Variants in SLMAP observed in about 807,000 individuals in gnomAD.
SLMAP encodes the protein sarcolemmal membrane-associated protein.
Under a neutral mutation model 128.8 loss-of-function variants are expected in SLMAP, and 44 were observed. The observed-to-expected ratio is 0.34, with a 90% CI of 0.27 to 0.44. The LOEUF is 0.44. Among genes scored for constraint, SLMAP ranks in the 20% least tolerant of loss-of-function variants. The probability of loss-of-function intolerance (pLI) is 1.00; values close to 1 mark genes in which losing one functional copy is unlikely to be tolerated. For missense variants in SLMAP, 787 were observed against 985.3 expected, an observed-to-expected ratio of 0.80 and a Z score of 2.69; for synonymous variants, 327 against 348.8, an observed-to-expected ratio of 0.94 and a Z score of 0.70.
rs2096826276 is a variant in SLMAP at position 57,916,984 on chromosome 3, G to A, written c.2217G>A (p.Val739=). 6.2e-7 allele frequency: 1 copy of A among 1,613,620 alleles called. No individual in the cohort carries two copies. Among genetic ancestry groups the A allele is most frequent in the African/African-American group, 1.3e-5 (1 of 74,876 alleles). The part of the protein sequence containing the change: ...QMSRKELENQ[V]GSLKEQHLRD... The stretch of plus-strand genomic sequence containing the variant: ...CTAGGAAAGAACTTGAGAATCAAGT[G>A]GGATCCTTGAAAGAACAGCATCTTC... The change falls in exon 22 of 25, where the codon GTG becomes GTA. Residue 739 remains valine (V), a synonymous_variant. Transcript: ENST00000671191.
intron 3 of SLMAP, among the ~76,000 whole-genome samples, chr3:57,840,083 A>T (rs2093854905): frequency 6.6e-6 from 1 of 151,582 alleles, no homozygotes; most frequent in Non-Finnish European, 1.5e-5. Context: ...GGCCTCCCAA[A>T]GTACTGGGAT....
intron 3 of SLMAP, among the ~76,000 whole-genome samples, chr3:57,840,762 ATACT>A (rs1292000913): frequency 3.3e-5 from 5 of 152,340 alleles, no homozygotes; most frequent in African/African-American, 9.6e-5. Flanking sequence ...AACAATTCTG[ATACT>A]TAATAGCAGA....
At chr3:57,925,509 G>T (rs988579400) in intron 23 of SLMAP, among the ~76,000 whole-genome samples, 8 of 151,532 alleles carry the variant, frequency 5.3e-5, no homozygotes, top group African/African-American at 1.9e-4. Flanking sequence ...TGTATTTTTA[G>T]TAGAGACAGC....
chr3:57,878,853 T>G (rs2095662022), intron 14 of SLMAP, among the ~76,000 whole-genome samples: 1 of 152,204 alleles, frequency 6.6e-6, no homozygotes, highest in Non-Finnish European at 1.5e-5. Context: ...AGAAATATTT[T>G]CCAGGTTGGC....
In SLMAP at chr3:57,929,706, G is replaced by C. The variant is rs1159994530; in HGVS notation, c.*2417G>C. Among the ~76,000 whole-genome samples the C allele has an allele frequency of 1.3e-5, 2 of 152,174 alleles. No individual in the cohort carries two copies. Among genetic ancestry groups the C allele is most frequent in the African/African-American group, 4.8e-5 (2 of 41,460 alleles). ...AGGGTTAGAGAATAAAAAGAACGTG[G>C]TGTTTGAAGCAAAACAGATCTGTAT... On this transcript the variant is annotated 3_prime_UTR_variant, in exon 25 of 25. Transcript: ENST00000671191.
intron 2 of SLMAP, among the ~76,000 whole-genome samples, chr3:57,827,841 A>G (rs1404372080): frequency 2.0e-5 from 3 of 152,326 alleles, no homozygotes; most frequent in Non-Finnish European, 4.4e-5. Flanking sequence ...GAGGAGAAGG[A>G]TATTTCTGGT....
chr3:57,831,342 A>T, intron 2 of SLMAP, 41 bp from the exon 3 acceptor site: 1 of 1,285,268 alleles, frequency 7.8e-7, no homozygotes, highest in Non-Finnish European at 1.0e-6. Flanking sequence ...AATTATTACT[A>T]TTAATATTTG....
At chr3:57,914,017 A>C (rs1228031360) in intron 21 of SLMAP, among the ~76,000 whole-genome samples, 1 of 152,140 alleles carries the variant, frequency 6.6e-6, no homozygotes, top group East Asian at 1.9e-4. Flanking sequence ...TAATCTTCTG[A>C]ATTTCAAATA....
chr3:57,822,701 G>T (rs991557673), intron 2 of SLMAP, among the ~76,000 whole-genome samples: 1 of 152,176 alleles, frequency 6.6e-6, no homozygotes, highest in African/African-American at 2.4e-5. Flanking sequence ...TTTAAAAATT[G>T]GGATTGTGTA....
At chr3:57,917,992 C>T (rs555181098) in intron 22 of SLMAP, 7 of 152,296 alleles carry the variant, frequency 4.6e-5, no homozygotes, top group African/African-American at 1.4e-4. Flanking sequence ...TTTTTCTTTG[C>T]ACTTTTCTTT....
In SLMAP at chr3:57,857,798, C is replaced by T. The variant is rs953772004; in HGVS notation, c.585C>T (p.Ile195=). Residue 195 remains isoleucine, a synonymous_variant, in exon 7 of 25, where the codon ATC becomes ATT. Transcript: ENST00000671191. Reference sequence around the variant, plus strand: ...CCACGCTTCAGCGGCTACTAGCCATCACCCAAGAGGCTTCAGATACCAGTT... The same window carrying T: ...CCACGCTTCAGCGGCTACTAGCCATTACCCAAGAGGCTTCAGATACCAGTT... The part of the protein sequence containing the change: ...KLATLQRLLA[I]TQEASDTSWQ... 7.4e-6 allele frequency: 12 copies of T among 1,613,260 alleles called. No homozygotes were observed. The highest frequency in any genetic ancestry group is 1.1e-5 in the South Asian group (1 of 91,072).
At chr3:57,892,816 A>T (rs1352263557) in intron 15 of SLMAP, among the ~76,000 whole-genome samples, 1 of 142,990 alleles carries the variant, frequency 7.0e-6, no homozygotes, top group Non-Finnish European at 1.5e-5. Context: ...ACACATACAC[A>T]CACAAACTTG....
intron 22 of SLMAP, among the ~76,000 whole-genome samples, chr3:57,920,881 G>GTGGT (rs1176285719): frequency 1.3e-5 from 2 of 152,134 alleles, no homozygotes; most frequent in Admixed American, 1.3e-4. Flanking sequence ...GCCAGGCATG[G>GTGGT]TGGTGCATGC....
intron 21 of SLMAP, among the ~76,000 whole-genome samples, chr3:57,915,538 G>C (rs139852191): frequency 6.1e-4 from 93 of 152,254 alleles, no homozygotes; most frequent in African/African-American, 2.1e-3. Context: ...TAGCTGTATT[G>C]GCTTGACAAC....
At chr3:57,836,909 G>A (rs544125389) in intron 3 of SLMAP, among the ~76,000 whole-genome samples, 1 of 152,258 alleles carries the variant, frequency 6.6e-6, no homozygotes, top group East Asian at 1.9e-4. Flanking sequence ...ACCCTCTCTT[G>A]CAAAGCTTGG....
At chr3:57,793,743 T>C (rs2086045837) in intron 2 of SLMAP, among the ~76,000 whole-genome samples, 1 of 152,134 alleles carries the variant, frequency 6.6e-6, no homozygotes, top group East Asian at 1.9e-4. Flanking sequence ...TTAACCTTGT[T>C]CTTTTCTGAT....
intron 5 of SLMAP, among the ~76,000 whole-genome samples, chr3:57,848,530 CCTT>C (rs1189965937): frequency 1.3e-5 from 2 of 148,644 alleles, no homozygotes; most frequent in East Asian, 2.0e-4. Context: ...CCTTCTTTCT[CCTT>C]CTTCCTTCCC....
intron 14 of SLMAP, among the ~76,000 whole-genome samples, chr3:57,881,879 C>A (rs1041106896): frequency 6.6e-6 from 1 of 152,126 alleles, no homozygotes; most frequent in Non-Finnish European, 1.5e-5. Context: ...TGCCTGTAGT[C>A]TCAACCAACT....
intron 2 of SLMAP, among the ~76,000 whole-genome samples, chr3:57,813,244 C>G (rs1043090059): frequency 6.6e-6 from 1 of 151,910 alleles, no homozygotes; most frequent in African/African-American, 2.4e-5. Context: ...TACAGGCATG[C>G]GCCACTGTGC....
Sources: gnomAD v4.1 joint callset for allele counts (sites outside exome capture counted in the v4.1 genomes callset) on GRCh38, gnomAD v4.1.1 for gene constraint, MANE v1.5 for transcripts, NCBI Gene and HGNC (gene_info 2026-07-23, HGNC 2026-07-21) for gene names.